PRPF38A: variants seen among roughly 807,000 people sequenced by gnomAD.
PRPF38A encodes the protein pre-mRNA processing factor 38A.
A neutral mutation model predicts 46.8 loss-of-function variants in PRPF38A; 11 were observed. The ratio of observed to expected loss-of-function variants is 0.24; its 90% CI spans 0.15 to 0.39. The LOEUF (loss-of-function observed/expected upper bound fraction) is 0.39. Ranked by LOEUF, PRPF38A falls within the 10% of genes least tolerant of loss-of-function variation. The pLI, the probability that PRPF38A is intolerant of heterozygous loss-of-function variation, is 1.00. For missense variants in PRPF38A, 261 were observed against 407.5 expected (o/e 0.64, Z 3.10); for synonymous variants, 124 against 136.2 (o/e 0.91, Z 0.62).
intron 4 of PRPF38A, among the ~76,000 whole-genome samples, chr1:52,411,458 G>C (rs10128030): frequency 0.33 from 49,780 of 152,170 alleles, 12,198 homozygotes; most frequent in African/African-American, 0.7. Context: ...TTGTAGTTCA[G>C]GTGCATGTGT....
chr1:52,412,786 G>A (rs1246388352), intron 5 of PRPF38A, among the ~76,000 whole-genome samples, 162 bp downstream of exon 5: 3 of 152,156 alleles, frequency 2.0e-5, no homozygotes, highest in Non-Finnish European at 2.9e-5. Flanking sequence ...GATGACCAGC[G>A]GTCAGGAGTT....
intron 4 of PRPF38A, 59 bp downstream of exon 4, chr1:52,411,259 C>A (rs996921352): frequency 7.3e-5 from 85 of 1,162,432 alleles, no homozygotes; most frequent in Non-Finnish European, 1.0e-4. Flanking sequence ...GGCAGACAGA[C>A]AAACACATAC....
intron 9 of PRPF38A, among the ~76,000 whole-genome samples, chr1:52,415,991 C>T (rs576269437): frequency 6.6e-5 from 10 of 151,868 alleles, no homozygotes; most frequent in East Asian, 1.9e-4. Flanking sequence ...TACAGGTGCC[C>T]GCCACCACCC....
At chr1:52,407,662 T>C (rs965866584) in intron 2 of PRPF38A, among the ~76,000 whole-genome samples, 14 of 152,232 alleles carry the variant, frequency 9.2e-5, no homozygotes, top group African/African-American at 2.9e-4. Flanking sequence ...GGCTCACACC[T>C]GTAATCCCAG....
chr1:52,408,696 T>A lies in PRPF38A; in HGVS notation c.412+6T>A. The stretch of plus-strand genomic sequence containing the variant: ...GAGCCAGAACCGAAATGGGGGTAAG[T>A]ATGGTGCTAAGTCTCCTGATTGTCA... On this transcript the variant is annotated splice_donor_region_variant and intron_variant, in intron 3 of 9. Coordinates refer to ENST00000257181, the MANE Select transcript of PRPF38A (RefSeq NM_032864.4). The A allele has an allele frequency of 6.2e-7, 1 of 1,613,904 alleles. No homozygotes were observed. The highest frequency in any genetic ancestry group is 2.2e-5 in the East Asian group (1 of 44,874).
At chr1:52,408,190 A>AG in intron 2 of PRPF38A, 1 of 351,128 alleles carries the variant, frequency 2.8e-6, no homozygotes, top group South Asian at 2.2e-5. Flanking sequence ...CAGTGAGCCA[A>AG]GATCGTGCCA....
Position 52,405,822 on chromosome 1 carries a change from C to G in PRPF38A, c.273C>G (p.Ile91Met), listed in dbSNP as rs764502325. ...AGAAGGATATCATTGTAGAGTTTAT[C>G]AAAAATGAAGATTTCAAGTGAGTGC... ...QPEKDIIVEFIKNEDFKYVRM... is the reference protein window; with the variant it reads ...QPEKDIIVEFMKNEDFKYVRM... Residue 91 changes from isoleucine (I) to methionine (M), a missense_variant, in exon 2 of 10, where the codon ATC (isoleucine) becomes ATG (methionine). This residue lies in a region of PRPF38A where 81 missense variants were observed against 186.5 expected (regional missense o/e 0.43). Coordinates refer to ENST00000257181, the MANE Select transcript of PRPF38A (RefSeq NM_032864.4). 2.4e-5 allele frequency: 39 copies of G among 1,613,746 alleles called. No individual in the cohort carries two copies. Among genetic ancestry groups the G allele is most frequent in the Non-Finnish European group, 8.5e-6 (10 of 1,179,886 alleles).
At chr1:52,412,263 A>G (rs1013625190) in intron 4 of PRPF38A, among the ~76,000 whole-genome samples, 7 of 152,220 alleles carry the variant, frequency 4.6e-5, no homozygotes, top group Non-Finnish European at 1.0e-4. Context: ...TGATATTCCC[A>G]TGACTTTAGA....
At position 52,404,637 on chromosome 1, in the gene PRPF38A, A is replaced by C; in HGVS notation, c.-113A>C. ...GTTTCCGGCTTCAAGATGGTCGCCT[A>C]AGCTGTTTAGTGAAACTTCTTCCAC... On this transcript the variant is annotated 5_prime_UTR_variant, in exon 1 of 10. An upstream open reading frame in the 5' UTR loses its in-frame stop. Coordinates refer to ENST00000257181, the MANE Select transcript of PRPF38A (RefSeq NM_032864.4). The C allele has an allele frequency of 8.2e-7, 1 of 1,214,916 alleles. No individual in the cohort carries two copies. Among genetic ancestry groups the C allele is most frequent in the Non-Finnish European group, 1.2e-6 (1 of 868,344 alleles). 75.3% of individuals were successfully genotyped at this position (1,214,916 alleles called of 1,614,324 possible). A position where few individuals can be genotyped will look rare whatever the true frequency, so the allele number is the denominator to read the frequency against.
In PRPF38A at chr1:52,411,121, AATT is replaced by A; in HGVS notation, c.420_422del (p.Leu141del). Reference sequence around the variant, plus strand: ...TAATGACTTTTTCTTGCAGAGTTTGAATTGATGCATGTTGATGAGTTTATTGAT... The same window carrying A: ...TAATGACTTTTTCTTGCAGAGTTTGAGATGCATGTTGATGAGTTTATTGAT... On this transcript the variant is annotated inframe_deletion, in exon 4 of 10. Transcript: ENST00000257181. 1 of 1,612,700 alleles carries A rather than the reference AATT, an allele frequency of 6.2e-7. No homozygotes were observed. Among genetic ancestry groups the A allele is most frequent in the Non-Finnish European group, 8.5e-7 (1 of 1,178,974 alleles).
intron 2 of PRPF38A, among the ~76,000 whole-genome samples, chr1:52,407,219 G>T (rs183281561): frequency 6.6e-6 from 1 of 152,112 alleles, no homozygotes; most frequent in Non-Finnish European, 1.5e-5. Context: ...GCATTTCACC[G>T]CGTTAGCCAG....
At position 52,420,098 on chromosome 1, in the gene PRPF38A, A is replaced by G. The variant is rs1648423557; in HGVS notation, c.*3408A>G. On this transcript the variant is annotated 3_prime_UTR_variant, in exon 10 of 10. Transcript: ENST00000257181. ...TCTCAGATCTTATAACAAGAAGGCA[A>G]TGAAGCAAAAGGCTCCAAAGGTTTG... 6.6e-6 allele frequency: 1 copy of G among 152,238 alleles called. No individual in the cohort carries two copies. The highest frequency in any genetic ancestry group is 1.5e-5 in the Non-Finnish European group (1 of 68,036). 9.4% of individuals were successfully genotyped at this position (152,238 alleles called of 1,614,324 possible).
rs561863145 is a variant in PRPF38A at position 52,408,380 on chromosome 1, A to G, written c.291-189A>G. ...TGTTCCCACAGCCATAAATGGTAGC[A>G]TGGGAACTTGAACTCAGGTCTCCAT... On this transcript the variant is annotated intron_variant, in intron 2 of 9. Coordinates refer to ENST00000257181, the MANE Select transcript of PRPF38A (RefSeq NM_032864.4). 3 of 724,924 alleles carry G rather than the reference A, an allele frequency of 4.1e-6. No homozygotes were observed. The South Asian group carries it at 4.4e-5, about 11-fold the overall frequency. 44.9% of individuals were successfully genotyped at this position (724,924 alleles called of 1,614,324 possible). A position where few individuals can be genotyped will look rare whatever the true frequency, so the allele number is the denominator to read the frequency against.
chr1:52,410,067 A>T (rs969388234), intron 3 of PRPF38A, among the ~76,000 whole-genome samples: 16 of 149,430 alleles, frequency 1.1e-4, no homozygotes, highest in African/African-American at 3.4e-4. Context: ...ACACATATAT[A>T]TACATTTTAT....
At chr1:52,413,708 GTT>G (rs765007455) in intron 5 of PRPF38A, among the ~76,000 whole-genome samples, 169 bp from the exon 6 acceptor site, 2 of 152,162 alleles carry the variant, frequency 1.3e-5, no homozygotes, top group Admixed American at 6.5e-5. Context: ...CTCATAATAA[GTT>G]TTGTTAGTTA....
In PRPF38A at chr1:52,418,172, T is replaced by A. The variant is rs943956467; in HGVS notation, c.*1482T>A. On this transcript the variant is annotated 3_prime_UTR_variant, in exon 10 of 10. Coordinates refer to ENST00000257181, the MANE Select transcript of PRPF38A (RefSeq NM_032864.4). ...ACTTCAGCAGTATTAAAGCATTTTT[T>A]AATCTTATTTGAGCTTTCATATTCT... The A allele has an allele frequency of 6.5e-6, 1 of 152,694 alleles. No homozygotes were observed. The highest frequency in any genetic ancestry group is 2.4e-5 in the African/African-American group (1 of 41,476). The allele number at this position is 152,694 out of a possible 1,614,324, so 9.5% of individuals were successfully genotyped here. A position where few individuals can be genotyped will look rare whatever the true frequency, so the allele number is the denominator to read the frequency against.
Position 52,417,959 on chromosome 1 carries a change from A to G in PRPF38A, c.*1269A>G, listed in dbSNP as rs1648338033. 1 of 152,626 alleles carries G rather than the reference A, an allele frequency of 6.6e-6. No homozygotes were observed. The highest frequency in any genetic ancestry group is 2.4e-5 in the African/African-American group (1 of 41,426). The allele number at this position is 152,626 out of a possible 1,614,324, so 9.5% of individuals were successfully genotyped here. A position where few individuals can be genotyped will look rare whatever the true frequency, so the allele number is the denominator to read the frequency against. On this transcript the variant is annotated 3_prime_UTR_variant, in exon 10 of 10. Coordinates refer to ENST00000257181, the MANE Select transcript of PRPF38A (RefSeq NM_032864.4). ...TCAAGAGATTATTAAGATCTTTGCT[A>G]GAAGAGTTCCTTTACCTGTACTTAA... is the stretch of plus-strand genomic sequence containing the variant.
At chr1:52,412,276 A>T (rs1569979196) in intron 4 of PRPF38A, among the ~76,000 whole-genome samples, 1 of 152,220 alleles carries the variant, frequency 6.6e-6, no homozygotes. Flanking sequence ...ACTTTAGAGT[A>T]TAAGGTACAG....
At chr1:52,408,781 G>A in intron 3 of PRPF38A, 91 bp downstream of exon 3, 1 of 1,437,166 alleles carries the variant, frequency 7.0e-7, no homozygotes, top group Non-Finnish European at 9.6e-7. Context: ...TAGACAGTGT[G>A]AATGCTCCTT....
Sources: allele counts gnomAD v4.1 joint callset (sites outside exome capture counted in the v4.1 genomes callset), GRCh38; gene constraint gnomAD v4.1.1; regional missense constraint gnomAD v4.1.1; transcripts MANE v1.5; gene names NCBI Gene and HGNC (gene_info 2026-07-23, HGNC 2026-07-21).